Variants in POLR2C observed in about 807,000 individuals in gnomAD.
POLR2C encodes the protein DNA-directed RNA polymerase II subunit RPB3.
POLR2C carries 36 observed loss-of-function variants against 41.7 expected under a neutral mutation model. That is an observed-to-expected ratio of 0.86 (90% CI 0.66 to 1.14). The LOEUF (loss-of-function observed/expected upper bound fraction) is 1.14, where lower values mean the gene tolerates loss of function less well. Among genes scored for constraint, POLR2C ranks in the 50% most tolerant of loss-of-function variants. The pLI is 0.00. For synonymous variants in POLR2C, 133 were observed against 137.8 expected (o/e 0.96, Z 0.25); for missense variants, 260 against 350.4 (o/e 0.74, Z 2.06).
At chr16:57,470,678 C>T (rs1377575608) in intron 8 of POLR2C, among the ~76,000 whole-genome samples, 2 of 152,222 alleles carry the variant, frequency 1.3e-5, no homozygotes, top group Non-Finnish European at 2.9e-5. Flanking sequence ...AAAGGTCTAT[C>T]ACTGGTCACT....
rs559906060 is a variant in POLR2C, at chr16:57,470,079, C to T, written c.558C>T (p.Tyr186=). Residue 186 remains tyrosine (Y), a synonymous_variant, in exon 7 of 9, where the codon TAC becomes TAT. Coordinates refer to ENST00000219252, the MANE Select transcript of POLR2C (RefSeq NM_032940.3). ...WNPTAGVAFE[Y]DPDNALRHTV... ...CTACTGCAGGGGTGGCTTTTGAATA[C>T]GATCCAGACAATGCCCTGAGGCACA... 79 of 1,614,164 alleles carry T rather than the reference C, an allele frequency of 4.9e-5. 2 individuals carry two copies. In the South Asian group the frequency reaches 7.2e-4, roughly 15 times the overall value.
At chr16:57,466,077 A>AG (rs2030702844) in intron 3 of POLR2C, 56 bp downstream of exon 3, 1 of 1,417,936 alleles carries the variant, frequency 7.1e-7, no homozygotes, top group Non-Finnish European at 1.0e-6. Context: ...TAGTGTCAGG[A>AG]GGGGGCCTCC....
chr16:57,466,647 C>T (rs1309613560), intron 4 of POLR2C, among the ~76,000 whole-genome samples: 1 of 152,168 alleles, frequency 6.6e-6, no homozygotes, highest in East Asian at 1.9e-4. Flanking sequence ...TCCCCTCCCT[C>T]GCAGGTGATG....
At chr16:57,464,867 A>G (rs1186469420) in intron 2 of POLR2C, among the ~76,000 whole-genome samples, 1 of 152,192 alleles carries the variant, frequency 6.6e-6, no homozygotes, top group Non-Finnish European at 1.5e-5. Flanking sequence ...CACCCATGCT[A>G]GGAATACAAA....
rs747374673 is a variant in POLR2C at position 57,469,433 on chromosome 16, G to A, written c.387+140G>A. The A allele has an allele frequency of 1.1e-6, 1 of 939,682 alleles. No individual in the cohort carries two copies. The highest frequency in any genetic ancestry group is 1.7e-6 in the Non-Finnish European group (1 of 592,770). The allele number at this position is 939,682 out of a possible 1,614,324, so 58.2% of individuals were successfully genotyped here. A position where few individuals can be genotyped will look rare whatever the true frequency, so the allele number is the denominator to read the frequency against. ...CTGCCTTAATCTGATCCCTAGAAGT[G>A]CTAATTCTGGATTCCTCTTGGGCAT... On this transcript the variant is annotated intron_variant, in intron 5 of 8. Transcript: ENST00000219252. The surrounding 1 kb of genome is among the most constrained non-coding windows in gnomAD (Gnocchi z 5.8).
At position 57,471,304 on chromosome 16, in the gene POLR2C, A is replaced by G; in HGVS notation, c.*185A>G. 1.7e-6 allele frequency: 1 copy of G among 590,804 alleles called. No individual in the cohort carries two copies. Among genetic ancestry groups the G allele is most frequent in the Non-Finnish European group, 3.0e-6 (1 of 332,626 alleles). 36.6% of individuals were successfully genotyped at this position (590,804 alleles called of 1,614,324 possible). A position where few individuals can be genotyped will look rare whatever the true frequency, so the allele number is the denominator to read the frequency against. On this transcript the variant is annotated 3_prime_UTR_variant, in exon 9 of 9. Transcript: ENST00000219252. ...ACCAGGGATGCAGTGGTGTTTAGGC[A>G]GGATAGGTCTTTACTGGCCCTGACT... is the stretch of plus-strand genomic sequence containing the variant.
intron 8 of POLR2C, 199 bp downstream of exon 8, chr16:57,470,553 G>C: frequency 1.7e-6 from 1 of 573,332 alleles, no homozygotes; most frequent in Non-Finnish European, 3.1e-6. Flanking sequence ...CTGACAAAGA[G>C]GACCCTCCAT....
Position 57,469,067 on chromosome 16 carries a change from T to C in POLR2C, c.259-98T>C. On this transcript the variant is annotated intron_variant, in intron 4 of 8. Transcript: ENST00000219252. This position sits in a 1 kb window ranked among gnomAD's most constrained non-coding sequence, Gnocchi z 5.8. ...ACCCCTTTTTACAGGTGAAGAAACTTAAGGAACTGGGCATTAGATGCAGGA... is the reference window on the plus strand; with the variant it reads ...ACCCCTTTTTACAGGTGAAGAAACTCAAGGAACTGGGCATTAGATGCAGGA... 8.0e-7 allele frequency: 1 copy of C among 1,247,542 alleles called. No individual in the cohort carries two copies. The highest frequency in any genetic ancestry group is 1.4e-5 in the South Asian group (1 of 73,746). 77.3% of individuals were successfully genotyped at this position (1,247,542 alleles called of 1,614,324 possible). A position where few individuals can be genotyped will look rare whatever the true frequency, so the allele number is the denominator to read the frequency against.
At chr16:57,465,251 G>A (rs117952011) in intron 2 of POLR2C, among the ~76,000 whole-genome samples, 8 of 152,156 alleles carry the variant, frequency 5.3e-5, no homozygotes, top group East Asian at 1.9e-4. Context: ...GTCCTCTTCC[G>A]ACCGCTGTTC....
At position 57,469,637 on chromosome 16, in the gene POLR2C, G is replaced by C. The variant is rs534773717; in HGVS notation, c.388-73G>C. 71 of 1,257,042 alleles carry C rather than the reference G, an allele frequency of 5.6e-5. No individual in the cohort carries two copies. The East Asian group carries it at 9.0e-4, about 16-fold the overall frequency. 77.9% of individuals were successfully genotyped at this position (1,257,042 alleles called of 1,614,324 possible). ...GGTTGACAGATTGCAGTCTAGAGGT[G>C]CTGGGATATGGATGCCAGAGGAGGT... is the stretch of plus-strand genomic sequence containing the variant. On this transcript the variant is annotated intron_variant, in intron 5 of 8. Transcript: ENST00000219252. This position sits in a 1 kb window ranked among gnomAD's most constrained non-coding sequence, Gnocchi z 5.8.
chr16:57,466,325 T>C (rs2030707641), intron 4 of POLR2C, 98 bp downstream of exon 4: 1 of 799,852 alleles, frequency 1.3e-6, no homozygotes, highest in East Asian at 2.5e-5. Flanking sequence ...TGAATACTGT[T>C]GTAGTTCTGG....
In POLR2C at chr16:57,466,164, G is replaced by GT. The variant is rs750997637; in HGVS notation, c.206-5dup. ...TTGGTTTTCTTTAAAGTGCTTTTCTGTTTTTTACAGGATTAATTCCCCTCA... is the reference window on the plus strand; with the variant it reads ...TTGGTTTTCTTTAAAGTGCTTTTCTGTTTTTTTACAGGATTAATTCCCCTCA... On this transcript the variant is annotated splice_polypyrimidine_tract_variant and intron_variant, in intron 3 of 8. Coordinates refer to ENST00000219252, the MANE Select transcript of POLR2C (RefSeq NM_032940.3). 10 of 1,599,044 alleles carry GT rather than the reference G, an allele frequency of 6.3e-6. No homozygotes were observed. The African/African-American group carries it at 9.5e-5, about 15-fold the overall frequency.
intron 4 of POLR2C, among the ~76,000 whole-genome samples, chr16:57,466,611 G>A (rs779005160): frequency 2.6e-5 from 4 of 152,202 alleles, no homozygotes; most frequent in Admixed American, 6.5e-5. Flanking sequence ...TGGGGGACTA[G>A]TCCTGGTGTC....
chr16:57,463,395 T>G (rs183390993), intron 2 of POLR2C: 2 of 482,826 alleles, frequency 4.1e-6, no homozygotes, highest in Non-Finnish European at 7.6e-6. Context: ...TTTTCAACTT[T>G]TATTTTGGAG....
At chr16:57,465,496 T>A (rs1257149271) in intron 2 of POLR2C, among the ~76,000 whole-genome samples, 1 of 152,206 alleles carries the variant, frequency 6.6e-6, no homozygotes, top group Non-Finnish European at 1.5e-5. Context: ...ATTGAGTGTT[T>A]AAAAAGTGCT....
At position 57,469,906 on chromosome 16, in the gene POLR2C, A is replaced by T; in HGVS notation, c.440-55A>T. The T allele has an allele frequency of 1.9e-6, 3 of 1,603,516 alleles. No individual in the cohort carries two copies. In the Admixed American group the frequency reaches 5.0e-5, roughly 27 times the overall value. ...TCTTGCAGTGGCACTCCAAGTCAGA[A>T]TTTGGAGAAGCATGTCTCTCCTGGC... On this transcript the variant is annotated intron_variant, in intron 6 of 8. Coordinates refer to ENST00000219252, the MANE Select transcript of POLR2C (RefSeq NM_032940.3). This position sits in a 1 kb window ranked among gnomAD's most constrained non-coding sequence, Gnocchi z 5.8.
Position 57,462,687 on chromosome 16 carries a change from C to A in POLR2C, c.-38C>A. 1 of 1,515,360 alleles carries A rather than the reference C, an allele frequency of 6.6e-7. No homozygotes were observed. The highest frequency in any genetic ancestry group is 1.2e-5 in the South Asian group (1 of 84,484). The allele number at this position is 1,515,360 out of a possible 1,614,324, so 93.9% of individuals were successfully genotyped here. A position where few individuals can be genotyped will look rare whatever the true frequency, so the allele number is the denominator to read the frequency against. Reference sequence around the variant, plus strand: ...GTTGGCGGTGGCGCCGCGCAGTCACCGCGGAGCAGACGCGGAGGCTGGTGG... The same window carrying A: ...GTTGGCGGTGGCGCCGCGCAGTCACAGCGGAGCAGACGCGGAGGCTGGTGG... On this transcript the variant is annotated 5_prime_UTR_variant, in exon 1 of 9. Transcript: ENST00000219252.
intron 4 of POLR2C, among the ~76,000 whole-genome samples, chr16:57,467,994 C>A (rs2030748867): frequency 6.6e-6 from 1 of 151,784 alleles, no homozygotes; most frequent in Non-Finnish European, 1.5e-5. Flanking sequence ...CATTTTGATT[C>A]TCCCATTTCA....
intron 2 of POLR2C, among the ~76,000 whole-genome samples, chr16:57,464,383 G>C (rs575845145): frequency 6.6e-6 from 1 of 152,310 alleles, no homozygotes; most frequent in South Asian, 2.1e-4. Context: ...ATTTTGATCA[G>C]TAGTTCAGGA....
Sources: allele counts gnomAD v4.1 joint callset (sites outside exome capture counted in the v4.1 genomes callset), GRCh38; gene constraint gnomAD v4.1.1; non-coding constraint Gnocchi (gnomAD v3.1); transcripts MANE v1.5; gene names NCBI Gene and HGNC (gene_info 2026-07-23, HGNC 2026-07-21).